CNTN4: variants seen among roughly 807,000 people sequenced by gnomAD.
CNTN4 encodes contactin 4, also known as contactin-4.
A neutral mutation model predicts 122.5 loss-of-function variants in CNTN4; 77 were observed. That is an observed-to-expected ratio of 0.63 (90% CI 0.52 to 0.76). The LOEUF is 0.76. Ranked by LOEUF, CNTN4 falls within the 30% of genes least tolerant of loss-of-function variation. The probability of loss-of-function intolerance (pLI) is 0.00; values close to 1 mark genes in which losing one functional copy is unlikely to be tolerated. For synonymous variants in CNTN4, 512 were observed against 447.0 expected, an observed-to-expected ratio of 1.15 and a Z score of -1.83; for missense variants, 1,256 against 1,259.1, an observed-to-expected ratio of 1.00 and a Z score of 0.04.
chr3:2,917,321 T>C (rs55947549), intron 12 of CNTN4, among the ~76,000 whole-genome samples: 63,893 of 151,044 alleles, frequency 0.42, 13,972 homozygotes, highest in East Asian at 0.64. Context: ...GAGGGGGAGA[T>C]GGTGGAAAGC....
At chr3:2,888,994 C>T (rs887176787) in intron 10 of CNTN4, among the ~76,000 whole-genome samples, 1 of 151,328 alleles carries the variant, frequency 6.6e-6, no homozygotes, top group African/African-American at 2.4e-5. Flanking sequence ...AAAGCTCTCC[C>T]TTCCAAAAAG....
intron 4 of CNTN4, among the ~76,000 whole-genome samples, chr3:2,619,237 A>G: frequency 6.6e-6 from 1 of 152,232 alleles, no homozygotes; most frequent in African/African-American, 2.4e-5. Context: ...AAATATCATG[A>G]TTCCCAAAAC....
intron 2 of CNTN4, among the ~76,000 whole-genome samples, chr3:2,188,533 A>G (rs2037378224): frequency 6.6e-6 from 1 of 152,122 alleles, no homozygotes; most frequent in Non-Finnish European, 1.5e-5. Context: ...CCTTTTAGCT[A>G]TTTCTGCTGC....
chr3:2,174,462 G>A (rs901304112), intron 2 of CNTN4, among the ~76,000 whole-genome samples: 1 of 152,082 alleles, frequency 6.6e-6, no homozygotes, highest in Non-Finnish European at 1.5e-5. Context: ...GCCCACTTCT[G>A]GTTCATAGCC....
At chr3:2,925,551 G>T in intron 12 of CNTN4, 78 bp from the exon 13 acceptor site, 2 of 1,469,620 alleles carry the variant, frequency 1.4e-6, no homozygotes, top group Non-Finnish European at 1.9e-6. Flanking sequence ...TCTCAAAAAA[G>T]AAAGAAAGAA....
intron 7 of CNTN4, among the ~76,000 whole-genome samples, chr3:2,862,816 A>G (rs533970825): frequency 6.6e-6 from 1 of 152,190 alleles, no homozygotes; most frequent in Non-Finnish European, 1.5e-5. Flanking sequence ...CATGTAACCC[A>G]ATGGATTAAT....
At chr3:3,041,049 A>C (rs140603341) in intron 20 of CNTN4, 28 of 152,280 alleles carry the variant, frequency 1.8e-4, no homozygotes, top group Middle Eastern at 3.4e-3. Flanking sequence ...TATCACCTCC[A>C]TGCTATCCCT....
At chr3:2,267,465 C>T (rs952642576) in intron 2 of CNTN4, among the ~76,000 whole-genome samples, 16 of 152,020 alleles carry the variant, frequency 1.1e-4, no homozygotes, top group South Asian at 8.3e-4. Context: ...ATTTGAATTG[C>T]ATCCCAGTTT....
intron 4 of CNTN4, among the ~76,000 whole-genome samples, chr3:2,616,844 A>C (rs1171617755): frequency 6.6e-6 from 1 of 152,178 alleles, no homozygotes; most frequent in African/African-American, 2.4e-5. Flanking sequence ...CCCAACATCT[A>C]CAACCATTTG....
chr3:2,568,161 C>T (rs1260823759), intron 3 of CNTN4, among the ~76,000 whole-genome samples: 1 of 151,894 alleles, frequency 6.6e-6, no homozygotes, highest in Non-Finnish European at 1.5e-5. Flanking sequence ...AAATACATGA[C>T]CAGGCCCTGC....
intron 4 of CNTN4, among the ~76,000 whole-genome samples, chr3:2,623,709 A>G (rs547241061): frequency 7.0e-4 from 107 of 152,296 alleles, no homozygotes; most frequent in Non-Finnish European, 2.5e-4. Flanking sequence ...TGGATGCATC[A>G]TAGGGCTTGG....
intron 3 of CNTN4, among the ~76,000 whole-genome samples, chr3:2,501,325 A>G (rs996933167): frequency 1.3e-5 from 2 of 152,222 alleles, no homozygotes; most frequent in Admixed American, 6.5e-5. Flanking sequence ...TTGAAGTTAC[A>G]TTTGTTAACA....
chr3:2,298,759 A>G lies in CNTN4; in HGVS notation c.-144-40419A>G, dbSNP rs116499734. Among the ~76,000 whole-genome samples the G allele has an allele frequency of 1.4e-3, 215 of 152,364 alleles. 1 individual carries two copies. The highest frequency in any genetic ancestry group is 5.0e-3 in the African/African-American group (209 of 41,586). On this transcript the variant is annotated intron_variant, in intron 2 of 24. Coordinates refer to ENST00000418658, the MANE Select transcript of CNTN4 (RefSeq NM_175607.3). ...GACTACAAGTGGCAGCAAAGAAATTACGTGGCATATATGTGTAGATTAAGC... is the reference window on the plus strand; with the variant it reads ...GACTACAAGTGGCAGCAAAGAAATTGCGTGGCATATATGTGTAGATTAAGC...
At chr3:2,151,673 T>A (rs1456049041) in intron 2 of CNTN4, among the ~76,000 whole-genome samples, 1 of 152,200 alleles carries the variant, frequency 6.6e-6, no homozygotes, top group Non-Finnish European at 1.5e-5. Flanking sequence ...AATGGATTCA[T>A]CCACTCATGG....
At chr3:2,797,423 C>T (rs1020281816) in intron 6 of CNTN4, among the ~76,000 whole-genome samples, 1 of 152,148 alleles carries the variant, frequency 6.6e-6, no homozygotes, top group African/African-American at 2.4e-5. Context: ...CATGATGAAA[C>T]CCTGTCTCTA....
chr3:2,598,874 C>G (rs769675860), intron 4 of CNTN4, among the ~76,000 whole-genome samples: 1 of 151,892 alleles, frequency 6.6e-6, no homozygotes, highest in Non-Finnish European at 1.5e-5. Flanking sequence ...TTGCCTCAAG[C>G]TCTTACTAAT....
chr3:2,262,714 C>A (rs1464359999), intron 2 of CNTN4, among the ~76,000 whole-genome samples: 1 of 150,744 alleles, frequency 6.6e-6, no homozygotes, highest in Non-Finnish European at 1.5e-5. Context: ...TTAAATAACA[C>A]TTTTTTAAAT....
intron 4 of CNTN4, among the ~76,000 whole-genome samples, chr3:2,657,774 A>G (rs1051289703): frequency 6.6e-6 from 1 of 151,906 alleles, no homozygotes; most frequent in Non-Finnish European, 1.5e-5. Flanking sequence ...TCTAGAGAAA[A>G]AATATATATG....
At chr3:2,285,570 T>A (rs2041872851) in intron 2 of CNTN4, among the ~76,000 whole-genome samples, 1 of 152,122 alleles carries the variant, frequency 6.6e-6, no homozygotes. Context: ...GATAACAAAA[T>A]GAGAGCCTTC....
Sources: gnomAD v4.1 joint callset for allele counts (sites outside exome capture counted in the v4.1 genomes callset) on GRCh38, gnomAD v4.1.1 for gene constraint, MANE v1.5 for transcripts, NCBI Gene and HGNC (gene_info 2026-07-23, HGNC 2026-07-21) for gene names.